Variants in HECW2 observed in about 807,000 individuals in gnomAD.
The protein encoded by HECW2 is HECT, C2 and WW domain containing E3 ubiquitin protein ligase 2, also known as E3 ubiquitin-protein ligase HECW2.
In HECW2, 61 loss-of-function variants were observed where a neutral mutation model predicts 175.2. That is an observed-to-expected ratio of 0.35 (90% CI 0.28 to 0.43). The LOEUF (loss-of-function observed/expected upper bound fraction) is 0.43. Among genes scored for constraint, HECW2 ranks in the 20% least tolerant of loss-of-function variants. The probability of loss-of-function intolerance (pLI) is 1.00; values close to 1 mark genes in which losing one functional copy is unlikely to be tolerated. For synonymous variants in HECW2, 671 were observed against 731.0 expected (o/e 0.92, Z 1.32); for missense variants, 1,524 against 2,000.5 (o/e 0.76, Z 4.54).
At chr2:196,317,603 C>A (rs1691748698) in intron 9 of HECW2, among the ~76,000 whole-genome samples, 1 of 151,970 alleles carries the variant, frequency 6.6e-6, no homozygotes, top group Non-Finnish European at 1.5e-5. Context: ...CTTCCCCTGC[C>A]TCATCCCTCA....
intron 2 of HECW2, among the ~76,000 whole-genome samples, chr2:196,399,700 A>G (rs1212908713): frequency 6.6e-6 from 1 of 152,234 alleles, no homozygotes; most frequent in Non-Finnish European, 1.5e-5. Flanking sequence ...TTTGAACACC[A>G]ATGCTATTGT....
chr2:196,242,465 G>C (rs1688492925), intron 19 of HECW2: 2 of 448,088 alleles, frequency 4.5e-6, no homozygotes, highest in African/African-American at 4.0e-5. Context: ...TCTCAAGTAT[G>C]TTCCCCTTTT....
At chr2:196,447,236 C>A (rs1262441001) in intron 1 of HECW2, among the ~76,000 whole-genome samples, 1 of 152,138 alleles carries the variant, frequency 6.6e-6, no homozygotes, top group African/African-American at 2.4e-5. Flanking sequence ...AGAAGAGATT[C>A]TTTTGACCTA....
Position 196,278,511 on chromosome 2 carries a change from C to T in HECW2, c.3135+17G>A, listed in dbSNP as rs765222084. The T allele has an allele frequency of 1.2e-6, 2 of 1,612,090 alleles. No homozygotes were observed. Among genetic ancestry groups the T allele is most frequent in the South Asian group, 2.2e-5 (2 of 90,856 alleles). ...TTCTATCAACCAACAGGTCAGTCCC[C>T]AAAACGCATGACTCACCTCACCCGC... On this transcript the variant is annotated intron_variant, in intron 15 of 28. Transcript: ENST00000644978.
chr2:196,235,645 A>C (rs1233350150), intron 21 of HECW2, among the ~76,000 whole-genome samples: 1 of 100,498 alleles, frequency 1.0e-5, no homozygotes, highest in African/African-American at 3.8e-5. Context: ...TAGATGCATT[A>C]TTCTTTTTTT....
intron 14 of HECW2, among the ~76,000 whole-genome samples, chr2:196,285,713 G>A (rs879283590): frequency 1.3e-5 from 2 of 152,160 alleles, no homozygotes; most frequent in African/African-American, 2.4e-5. Context: ...ACAAATAGTG[G>A]AGATGAAAAG....
At chr2:196,537,795 C>A (rs1015108715) in intron 1 of HECW2, among the ~76,000 whole-genome samples, 2 of 152,140 alleles carry the variant, frequency 1.3e-5, no homozygotes, top group African/African-American at 4.8e-5. Flanking sequence ...CCCAATTTTT[C>A]TTTGAAGATA....
chr2:196,357,026 A>G (rs1243709163), intron 2 of HECW2, among the ~76,000 whole-genome samples: 1 of 152,194 alleles, frequency 6.6e-6, no homozygotes, highest in Admixed American at 6.5e-5. Flanking sequence ...CACTCTGAGG[A>G]TAATGGAAAG....
At chr2:196,333,085 G>A (rs566086525) in intron 4 of HECW2, among the ~76,000 whole-genome samples, 4 of 151,962 alleles carry the variant, frequency 2.6e-5, no homozygotes, top group South Asian at 4.2e-4. Flanking sequence ...CTTGTCTCTC[G>A]GACACACCTT....
intron 1 of HECW2, among the ~76,000 whole-genome samples, chr2:196,446,988 TAAAC>T (rs1559115036): frequency 1.3e-5 from 2 of 152,116 alleles, no homozygotes; most frequent in Non-Finnish European, 2.9e-5. Flanking sequence ...AAAATAATAA[TAAAC>T]TACTCAATTT....
chr2:196,245,874 G>A (rs12615245), intron 19 of HECW2, among the ~76,000 whole-genome samples: 31,376 of 152,082 alleles, frequency 0.21, 3,972 homozygotes, highest in East Asian at 0.42. Flanking sequence ...CACTTAGGAA[G>A]CTTTTAAAAA....
chr2:196,363,346 GA>G (rs1206435906), intron 2 of HECW2, among the ~76,000 whole-genome samples: 1 of 151,958 alleles, frequency 6.6e-6, no homozygotes, highest in Non-Finnish European at 1.5e-5. Context: ...TTACAGATGA[GA>G]AAACTAAGGC....
At chr2:196,396,608 T>C (rs530431889) in intron 2 of HECW2, among the ~76,000 whole-genome samples, 5 of 152,356 alleles carry the variant, frequency 3.3e-5, no homozygotes, top group African/African-American at 9.6e-5. Flanking sequence ...GTTTCCCCTT[T>C]TGGAGAAATA....
At chr2:196,507,926 T>C (rs1687823130) in intron 1 of HECW2, among the ~76,000 whole-genome samples, 1 of 152,216 alleles carries the variant, frequency 6.6e-6, no homozygotes, top group African/African-American at 2.4e-5. Flanking sequence ...AGCTAATTTT[T>C]TCTCCTGTGA....
rs567818011 is a variant in HECW2 at position 196,448,757 on chromosome 2, C to T, written c.-35-15299G>A. The stretch of plus-strand genomic sequence containing the variant: ...AGCCCATCACCTTGTTGAGAAGTAG[C>T]AATTTCCCACTCTCAAGACAGTCTC... On this transcript the variant is annotated intron_variant, in intron 1 of 28. Transcript: ENST00000644978. 2.6e-5 allele frequency among the ~76,000 whole-genome samples: 4 copies of T among 152,260 alleles called. No individual in the cohort carries two copies. The East Asian group carries it at 7.7e-4, about 29-fold the overall frequency.
At chr2:196,255,672 C>T (rs4850691) in intron 18 of HECW2, among the ~76,000 whole-genome samples, 142,145 of 152,298 alleles carry the variant, frequency 0.93, 67,093 homozygotes, top group Non-Finnish European at 1. Context: ...TTTAAGAAAT[C>T]AGACAAAACA....
chr2:196,380,502 T>C (rs1391169615), intron 2 of HECW2, among the ~76,000 whole-genome samples: 2 of 152,230 alleles, frequency 1.3e-5, no homozygotes, highest in African/African-American at 2.4e-5. Context: ...CCAAGTGGTA[T>C]TGCCACCTCA....
chr2:196,307,141 T>C lies in HECW2; in HGVS notation c.2678A>G (p.Gln893Arg). 6.2e-7 allele frequency: 1 copy of C among 1,611,660 alleles called. No individual in the cohort carries two copies. The highest frequency in any genetic ancestry group is 8.5e-7 in the Non-Finnish European group (1 of 1,177,732). ...DGAGEEADFH[Q>R]ASADFRRENI... ...CCCAAAGCTCTTACCTGCACTGGCT[T>C]GGTGAAAGTCAGCTTCCTCCCCTGC... The change falls in exon 12 of 29, where the codon CAA (glutamine) becomes CGA (arginine). Residue 893 changes from glutamine (Q) to arginine (R), a missense_variant. This residue lies in a region of HECW2 where 105 missense variants were observed against 98.1 expected (regional missense o/e 1.07). Coordinates refer to ENST00000644978, the MANE Select transcript of HECW2 (RefSeq NM_001348768.2).
At chr2:196,277,042 CT>C (rs1416847438) in intron 15 of HECW2, among the ~76,000 whole-genome samples, 1 of 152,094 alleles carries the variant, frequency 6.6e-6, no homozygotes, top group Non-Finnish European at 1.5e-5. Context: ...ATTCTATTGT[CT>C]AAGGGAATTT....
Sources: gnomAD v4.1 joint callset for allele counts (sites outside exome capture counted in the v4.1 genomes callset) on GRCh38, gnomAD v4.1.1 for gene constraint, gnomAD v4.1.1 regional missense constraint, MANE v1.5 for transcripts, NCBI Gene and HGNC (gene_info 2026-07-23, HGNC 2026-07-21) for gene names.